PSMD1: variants seen among roughly 807,000 people sequenced by gnomAD.
PSMD1 encodes the protein 26S proteasome non-ATPase regulatory subunit 1.
PSMD1 carries 18 observed loss-of-function variants against 119.0 expected under a neutral mutation model. The observed-to-expected ratio is 0.15, with a 90% CI of 0.10 to 0.22. PSMD1 has a LOEUF of 0.22. PSMD1 is among the 10% of genes least tolerant of loss of function. PSMD1 has a pLI of 1.00. For synonymous variants in PSMD1, 374 were observed against 396.6 expected, an observed-to-expected ratio of 0.94 and a Z score of 0.68; for missense variants, 702 against 1,158.5, an observed-to-expected ratio of 0.61 and a Z score of 5.72.
chr2:231,133,081 T>C (rs1695888118), intron 16 of PSMD1, among the ~76,000 whole-genome samples: 1 of 152,198 alleles, frequency 6.6e-6, no homozygotes, highest in East Asian at 1.9e-4. Flanking sequence ...AGATTTCCAA[T>C]AGGCACTTAG....
In PSMD1 at chr2:231,109,320, C is replaced by T. The variant is rs776698051; in HGVS notation, c.1883+22139C>T. The T allele has an allele frequency of 1.9e-6, 3 of 1,613,986 alleles. No individual in the cohort carries two copies. The East Asian group carries it at 6.7e-5, about 36-fold the overall frequency. On this transcript the variant is annotated intron_variant, in intron 16 of 24. Transcript: ENST00000308696. ...AGTGAGCCAAAGAGCATGAAATCGC[C>T]AAAACGTTCCTTTGTCAGCACACAA...
chr2:231,083,782 C>T lies in PSMD1; in HGVS notation c.1722+19C>T. 6.2e-7 allele frequency: 1 copy of T among 1,611,758 alleles called. No individual in the cohort carries two copies. The highest frequency in any genetic ancestry group is 8.5e-7 in the Non-Finnish European group (1 of 1,178,204). On this transcript the variant is annotated intron_variant, in intron 14 of 24. Transcript: ENST00000308696. ...TGACAAGGTGAGATCACATACGTCC[C>T]TCACTGTCCATTTATCTCCAGCATG...
chr2:231,093,154 C>T (rs982804943), intron 16 of PSMD1, among the ~76,000 whole-genome samples: 2 of 151,900 alleles, frequency 1.3e-5, no homozygotes, highest in African/African-American at 2.4e-5. Flanking sequence ...GGTTGGGAAG[C>T]GGGTGTCTGC....
chr2:231,171,659 C>T (rs538509167), intron 24 of PSMD1, among the ~76,000 whole-genome samples: 3 of 149,906 alleles, frequency 2.0e-5, no homozygotes, highest in East Asian at 2.0e-4. Context: ...TGGGTTCAAG[C>T]GATTCTCCTG....
At chr2:231,103,498 A>G (rs1222828027) in intron 16 of PSMD1, among the ~76,000 whole-genome samples, 1 of 152,224 alleles carries the variant, frequency 6.6e-6, no homozygotes, top group Non-Finnish European at 1.5e-5. Context: ...ACCTATGTGT[A>G]TTAAGCTATT....
In PSMD1 at chr2:231,067,030, T is replaced by C. The variant is rs747893231; in HGVS notation, c.429T>C (p.Asp143=). The change falls in exon 5 of 25, where the codon GAT becomes GAC. Residue 143 remains aspartate (D), a synonymous_variant. Transcript: ENST00000308696. ...ATAAAATGTTCCAGCGATGTCTAGA[T>C]GATCACAAGTATAAACAGGCTATTG... ...IVNKMFQRCL[D]DHKYKQAIGI... is the part of the protein sequence containing the mutation. The C allele has an allele frequency of 1.2e-6, 2 of 1,613,990 alleles. No individual in the cohort carries two copies. The highest frequency in any genetic ancestry group is 1.7e-5 in the Admixed American group (1 of 59,976).
rs1694270193 is a variant in PSMD1 at position 231,080,085 on chromosome 2, T to C, written c.1240-56T>C. The stretch of plus-strand genomic sequence containing the variant: ...AAGGCAGTAATCATAGAAAACATTG[T>C]CTTTTTTCTTCTTACTTTCTCTTTT... On this transcript the variant is annotated intron_variant, in intron 11 of 24. Coordinates refer to ENST00000308696, the MANE Select transcript of PSMD1 (RefSeq NM_002807.4). 3.4e-6 allele frequency: 5 copies of C among 1,459,138 alleles called. No individual in the cohort carries two copies. The South Asian group carries it at 6.5e-5, about 19-fold the overall frequency. The allele number at this position is 1,459,138 out of a possible 1,614,324, so 90.4% of individuals were successfully genotyped here.
Position 231,170,847 on chromosome 2 carries a change from T to A in PSMD1, c.*9+126T>A. On this transcript the variant is annotated intron_variant, in intron 24 of 24. Coordinates refer to ENST00000308696, the MANE Select transcript of PSMD1 (RefSeq NM_002807.4). This position sits in a 1 kb window ranked among gnomAD's most constrained non-coding sequence, Gnocchi z 4.1. ...TAATCCTTATTTACCTAAACAGTAT[T>A]AAAACTTCCCCGTTTCAACCTTTTT... 1.9e-6 allele frequency: 2 copies of A among 1,045,246 alleles called. No individual in the cohort carries two copies. The highest frequency in any genetic ancestry group is 1.7e-5 in the African/African-American group (1 of 60,326). The allele number at this position is 1,045,246 out of a possible 1,614,324, so 64.7% of individuals were successfully genotyped here. A position where few individuals can be genotyped will look rare whatever the true frequency, so the allele number is the denominator to read the frequency against.
At chr2:231,165,787 C>G (rs1236940712) in intron 22 of PSMD1, 84 bp from the exon 23 acceptor site, 2 of 1,212,180 alleles carry the variant, frequency 1.6e-6, no homozygotes, top group Non-Finnish European at 2.3e-6. Flanking sequence ...TACCTTATAG[C>G]TGCTCAGTCA....
At position 231,105,322 on chromosome 2, in the gene PSMD1, G is replaced by A. The variant is rs74364887; in HGVS notation, c.1883+18141G>A. 3.4e-3 allele frequency among the ~76,000 whole-genome samples: 513 copies of A among 152,180 alleles called. 3 individuals are homozygous for A. Among genetic ancestry groups the A allele is most frequent in the African/African-American group, 0.012 (480 of 41,546 alleles). On this transcript the variant is annotated intron_variant, in intron 16 of 24. Transcript: ENST00000308696. ...TGGAACATCTAATAAATAAGTGATT[G>A]TTGGGCCCATTGTTAGTACTTTCAA...
chr2:231,113,946 C>T, intron 16 of PSMD1: 1 of 1,604,074 alleles, frequency 6.2e-7, no homozygotes, highest in African/African-American at 1.3e-5. Context: ...GAAACAAAAA[C>T]AAGACAAACA....
intron 16 of PSMD1, among the ~76,000 whole-genome samples, chr2:231,092,236 T>C (rs1694614276): frequency 6.6e-6 from 1 of 152,136 alleles, no homozygotes; most frequent in Admixed American, 6.5e-5. Context: ...GTGGGAATGC[T>C]TCAGATTGTC....
intron 18 of PSMD1, among the ~76,000 whole-genome samples, chr2:231,152,531 CCA>C (rs1696396621): frequency 6.6e-6 from 1 of 152,046 alleles, no homozygotes; most frequent in South Asian, 2.1e-4. Context: ...AGTAACTTAC[CCA>C]AACAGCTTAT....
At chr2:231,090,856 C>T (rs1321761000) in intron 16 of PSMD1, among the ~76,000 whole-genome samples, 5 of 152,188 alleles carry the variant, frequency 3.3e-5, no homozygotes, top group Non-Finnish European at 7.3e-5. Flanking sequence ...GAAGATGTGA[C>T]TGATAAAACA....
chr2:231,091,611 G>A (rs2042185023), intron 16 of PSMD1, among the ~76,000 whole-genome samples: 1 of 152,180 alleles, frequency 6.6e-6, no homozygotes, highest in African/African-American at 2.4e-5. Context: ...ACAAACATGA[G>A]TATAATCAGT....
Position 231,062,550 on chromosome 2 carries a change from C to T in PSMD1, c.179C>T (p.Ala60Val). 1.2e-6 allele frequency: 2 copies of T among 1,605,128 alleles called. No individual in the cohort carries two copies. Among genetic ancestry groups the T allele is most frequent in the Non-Finnish European group, 1.7e-6 (2 of 1,177,486 alleles). The stretch of plus-strand genomic sequence containing the variant: ...GAAGGTTTCCGGAGTCGGCAGTTTG[C>T]AGCCTTAGTGGCATCTAAAGTATTT... ...EDEGFRSRQFAALVASKVFYH... is the reference protein window; with the variant it reads ...EDEGFRSRQFVALVASKVFYH... The change falls in exon 4 of 25, where the codon GCA becomes GTA. Residue 60 changes from alanine to valine, a missense_variant. Coordinates refer to ENST00000308696, the MANE Select transcript of PSMD1 (RefSeq NM_002807.4).
rs202079241 is a variant in PSMD1 at position 231,083,635 on chromosome 2, A to G, written c.1594A>G (p.Met532Val). ...GSKNAQAIED[M>V]VGYAQETQHE... ...TAAAAATGCTCAGGCTATTGAGGAC[A>G]TGGTTGGTTATGCACAAGAAACTCA... The change falls in exon 14 of 25, where the codon ATG (methionine) becomes GTG (valine). Residue 532 changes from methionine (M) to valine (V), a missense_variant. Physicochemically the swap from Met to Val is conservative, Grantham distance 21. Coordinates refer to ENST00000308696, the MANE Select transcript of PSMD1 (RefSeq NM_002807.4). 3 of 1,614,244 alleles carry G rather than the reference A, an allele frequency of 1.9e-6. No individual in the cohort carries two copies. The highest frequency in any genetic ancestry group is 2.2e-5 in the East Asian group (1 of 44,880).
At chr2:231,141,470 C>T (rs1696112813) in intron 17 of PSMD1, among the ~76,000 whole-genome samples, 1 of 147,874 alleles carries the variant, frequency 6.8e-6, no homozygotes, top group Non-Finnish European at 1.5e-5. Context: ...GTCACTGTCA[C>T]CCAGGCTGGA....
At chr2:231,157,442 T>TC (rs1559253132) in intron 19 of PSMD1, among the ~76,000 whole-genome samples, 1 of 150,662 alleles carries the variant, frequency 6.6e-6, no homozygotes, top group African/African-American at 2.4e-5. Flanking sequence ...TTTTTTTTTT[T>TC]TTTATATCTT....
Sources: gnomAD v4.1 joint callset for allele counts (sites outside exome capture counted in the v4.1 genomes callset) on GRCh38, gnomAD v4.1.1 for gene constraint, Gnocchi (gnomAD v3.1) non-coding constraint, MANE v1.5 for transcripts, NCBI Gene and HGNC (gene_info 2026-07-23, HGNC 2026-07-21) for gene names.